Variants in GALNT13 observed in about 807,000 individuals in gnomAD.
The protein encoded by GALNT13 is polypeptide N-acetylgalactosaminyltransferase 13.
In GALNT13, 28 loss-of-function variants were observed where a neutral mutation model predicts 64.2. That is an observed-to-expected ratio of 0.44 (90% CI 0.32 to 0.60). The LOEUF is 0.60. Among genes scored for constraint, GALNT13 ranks in the 20% least tolerant of loss-of-function variants. GALNT13 has a pLI of 0.05. For missense variants in GALNT13, 577 were observed against 669.8 expected (o/e 0.86, Z 1.53); for synonymous variants, 214 against 224.6 (o/e 0.95, Z 0.42).
intron 3 of GALNT13, among the ~76,000 whole-genome samples, chr2:154,050,009 G>A (rs2105344486): frequency 6.6e-6 from 1 of 151,488 alleles, no homozygotes; most frequent in African/African-American, 2.4e-5. Flanking sequence ...TTATTAATTG[G>A]GTGAATTTTT....
intron 9 of GALNT13, among the ~76,000 whole-genome samples, chr2:154,338,093 C>G (rs1416994769): frequency 6.6e-6 from 1 of 152,018 alleles, no homozygotes; most frequent in Non-Finnish European, 1.5e-5. Flanking sequence ...CCCCTGGCCT[C>G]TAGACTCTGA....
the GALNT13 span, among the ~76,000 whole-genome samples, chr2:153,525,909 G>C: frequency 6.6e-6 from 1 of 152,220 alleles, no homozygotes; most frequent in African/African-American, 2.4e-5. Flanking sequence ...TTGTTGGTAG[G>C]CTGGCAGTAC....
At chr2:153,925,430 G>GT (rs1321137384) in intron 2 of GALNT13, among the ~76,000 whole-genome samples, 1 of 150,004 alleles carries the variant, frequency 6.7e-6, no homozygotes, top group Non-Finnish European at 1.5e-5. Flanking sequence ...TCTTGTACCT[G>GT]TACCATGCTG....
At chr2:154,259,750 A>T (rs1408972031) in intron 8 of GALNT13, among the ~76,000 whole-genome samples, 1 of 152,358 alleles carries the variant, frequency 6.6e-6, no homozygotes, top group African/African-American at 2.4e-5. Context: ...CAAAAAATTT[A>T]AAAATGAACA....
chr2:153,109,341 G>T, the GALNT13 span, among the ~76,000 whole-genome samples: 1 of 152,092 alleles, frequency 6.6e-6, no homozygotes, highest in African/African-American at 2.4e-5. Flanking sequence ...CAGGTATTTT[G>T]TGGGCTCCAA....
chr2:153,413,866 G>GT, the GALNT13 span, among the ~76,000 whole-genome samples: 1 of 152,124 alleles, frequency 6.6e-6, no homozygotes, highest in Non-Finnish European at 1.5e-5. Flanking sequence ...ATCTCTCATA[G>GT]TTTAGCATCT....
the GALNT13 span, among the ~76,000 whole-genome samples, chr2:153,276,342 A>C: frequency 1.3e-5 from 2 of 152,068 alleles, no homozygotes; most frequent in Non-Finnish European, 2.9e-5. Flanking sequence ...ATATAGAAAA[A>C]GCATCCTCTT....
the GALNT13 span, among the ~76,000 whole-genome samples, chr2:153,249,472 A>G: frequency 6.6e-6 from 1 of 152,224 alleles, no homozygotes; most frequent in African/African-American, 2.4e-5. Context: ...TACAGATTCA[A>G]TGCTATTCCC....
intron 4 of GALNT13, among the ~76,000 whole-genome samples, chr2:154,151,571 C>G (rs1375997082): frequency 6.6e-6 from 1 of 152,146 alleles, no homozygotes; most frequent in Non-Finnish European, 1.5e-5. Context: ...GTCTAAGTCT[C>G]TTCGTAAGTC....
chr2:153,789,849 C>T, the GALNT13 span, among the ~76,000 whole-genome samples: 1 of 152,168 alleles, frequency 6.6e-6, no homozygotes, highest in East Asian at 1.9e-4. Context: ...GGATAAATAT[C>T]TGGACACATA....
At chr2:153,164,329 C>T in the GALNT13 span, among the ~76,000 whole-genome samples, 3 of 151,974 alleles carry the variant, frequency 2.0e-5, no homozygotes, top group Admixed American at 6.6e-5. Flanking sequence ...ATTTTTTAAA[C>T]GAGTGAGAAC....
At chr2:153,255,380 T>G in the GALNT13 span, among the ~76,000 whole-genome samples, 103,098 of 127,424 alleles carry the variant, frequency 0.81, 42,982 homozygotes, top group African/African-American at 0.9. Context: ...CGTGAGATGG[T>G]TTTCCTGAAT....
intron 2 of GALNT13, among the ~76,000 whole-genome samples, chr2:153,927,017 T>C (rs1014091868): frequency 6.6e-6 from 1 of 152,068 alleles, no homozygotes; most frequent in African/African-American, 2.4e-5. Flanking sequence ...GACATTGCAA[T>C]TTTTAAAAAT....
the GALNT13 span, among the ~76,000 whole-genome samples, chr2:153,187,746 G>T: frequency 6.6e-6 from 1 of 152,058 alleles, no homozygotes; most frequent in South Asian, 2.1e-4. Flanking sequence ...TTCCTTTATC[G>T]GACAGAATAG....
At chr2:153,356,243 G>A in the GALNT13 span, among the ~76,000 whole-genome samples, 3 of 152,134 alleles carry the variant, frequency 2.0e-5, no homozygotes, top group Non-Finnish European at 4.4e-5. Context: ...GATGACCATG[G>A]ATAATAAAAA....
intron 4 of GALNT13, among the ~76,000 whole-genome samples, chr2:154,162,687 G>C (rs190029920): frequency 5.6e-4 from 85 of 152,258 alleles, no homozygotes; most frequent in African/African-American, 1.9e-3. Context: ...AAGAGACAGA[G>C]TTAAATACTG....
At chr2:154,418,811 T>A (rs761157920) in intron 11 of GALNT13, among the ~76,000 whole-genome samples, 8 of 152,200 alleles carry the variant, frequency 5.3e-5, no homozygotes, top group Non-Finnish European at 8.8e-5. Flanking sequence ...TCTAAGATAC[T>A]AAACCTTCCT....
chr2:154,165,117 A>T (rs571449461), intron 4 of GALNT13, among the ~76,000 whole-genome samples: 1 of 152,164 alleles, frequency 6.6e-6, no homozygotes, highest in Non-Finnish European at 1.5e-5. Context: ...GGGAAATAGT[A>T]AGATGCTACT....
the GALNT13 span, among the ~76,000 whole-genome samples, chr2:153,461,898 T>A: frequency 1.3e-5 from 2 of 152,088 alleles, no homozygotes; most frequent in Non-Finnish European, 2.9e-5. Flanking sequence ...GTGGGTGAGA[T>A]GGAGGGGAAG....
Sources: gnomAD v4.1 joint callset for allele counts (sites outside exome capture counted in the v4.1 genomes callset) on GRCh38, gnomAD v4.1.1 for gene constraint, MANE v1.5 for transcripts, NCBI Gene and HGNC (gene_info 2026-07-23, HGNC 2026-07-21) for gene names.